The following PPP1CC variants were observed in gnomAD, a reference collection of about 807,000 sequenced individuals.
PPP1CC encodes the protein protein phosphatase 1 catalytic subunit gamma, also known as serine/threonine-protein phosphatase PP1-gamma catalytic subunit.
PPP1CC carries 16 observed loss-of-function variants against 38.4 expected under a neutral mutation model. The ratio of observed to expected loss-of-function variants is 0.42; its 90% CI spans 0.28 to 0.63. PPP1CC has a LOEUF of 0.63. PPP1CC is among the 30% of genes least tolerant of loss of function. The pLI is 0.25. For synonymous variants in PPP1CC, 158 were observed against 136.0 expected (o/e 1.16, Z -1.13); for missense variants, 170 against 391.3 (o/e 0.43, Z 4.77).
At chr12:110,718,704 C>T (rs939977193), downstream of PPP1CC, among the ~76,000 whole-genome samples, 4 of 152,166 alleles carry the variant, frequency 2.6e-5, no homozygotes, top group African/African-American at 4.8e-5. Flanking sequence ...CAATGTGAGA[C>T]GGCTTCTGCT....
chr12:110,721,145 T>C lies in PPP1CC; in HGVS notation c.903A>G (p.Lys301=). 6.2e-7 allele frequency: 1 copy of C among 1,613,904 alleles called. No homozygotes were observed. Among genetic ancestry groups the C allele is most frequent in the Non-Finnish European group, 8.5e-7 (1 of 1,179,786 alleles). The change falls in exon 7 of 7, where the codon AAA becomes AAG. Residue 301 remains lysine, a synonymous_variant. Transcript: ENST00000335007. Reference sequence around the variant, plus strand: ...CAGGTCTCGTGGCATTTGGCTTCTTTTTCTCTGCAGGCTTTAAAATCTGGA... The same window carrying C: ...CAGGTCTCGTGGCATTTGGCTTCTTCTTCTCTGCAGGCTTTAAAATCTGGA... ...CSFQILKPAE[K]KKPNATRPVT... is the part of the protein sequence containing the mutation.
chr12:110,711,873 C>T, the PPP1CC span, among the ~76,000 whole-genome samples: 45 of 151,866 alleles, frequency 3.0e-4, no homozygotes, highest in Non-Finnish European at 5.0e-4. Flanking sequence ...TGCAGTGAGC[C>T]GAGATCGCAC....
At chr12:110,735,233 C>T (rs544474334) in intron 1 of PPP1CC, among the ~76,000 whole-genome samples, 5 of 151,432 alleles carry the variant, frequency 3.3e-5, no homozygotes, top group Non-Finnish European at 7.4e-5. Flanking sequence ...TCACTATTTT[C>T]AATGTCCATC....
chr12:110,736,018 G>A (rs1419065435), intron 1 of PPP1CC, among the ~76,000 whole-genome samples: 1 of 151,984 alleles, frequency 6.6e-6, no homozygotes, highest in Non-Finnish European at 1.5e-5. Flanking sequence ...AGCCCAGATC[G>A]CATCATCACA....
At chr12:110,742,563 C>G in intron 1 of PPP1CC, 90 bp downstream of exon 1, 1 of 1,142,180 alleles carries the variant, frequency 8.8e-7, no homozygotes, top group South Asian at 2.1e-5. Flanking sequence ...CAAGCCCAAC[C>G]GGCCTCCCAA....
At position 110,737,477 on chromosome 12, in the gene PPP1CC, C is replaced by CAAAAAAAAA. The variant is rs71083137; in HGVS notation, c.55+5167_55+5175dup. Among the ~76,000 whole-genome samples the CAAAAAAAAA allele has an allele frequency of 2.4e-3, 102 of 42,462 alleles. 2 individuals carry two copies. The highest frequency in any genetic ancestry group is 7.0e-3 in the African/African-American group (67 of 9,524). The allele number at this position is 42,462 out of a possible 152,430, so 27.9% of individuals were successfully genotyped here. On this transcript the variant is annotated intron_variant, in intron 1 of 6. Coordinates refer to ENST00000335007, the MANE Select transcript of PPP1CC (RefSeq NM_002710.4). The stretch of plus-strand genomic sequence containing the variant: ...CCAGCCTGGGTGACAAAGAAAGACT[C>CAAAAAAAAA]AAAAAAAAAAAAAAAAAAAAAAAAG...
At position 110,722,072 on chromosome 12, in the gene PPP1CC, A is replaced by G. The variant is rs574276991; in HGVS notation, c.882+63T>C. On this transcript the variant is annotated intron_variant, in intron 6 of 6. Transcript: ENST00000335007. This position sits in a 1 kb window ranked among gnomAD's most constrained non-coding sequence, Gnocchi z 5.4. ...GAACACTAGGCAAAAAGTAGCAATT[A>G]TATTTTTCAATCAGCAAAGTGTAAA... 6.4e-5 allele frequency: 102 copies of G among 1,598,678 alleles called. No individual in the cohort carries two copies. Among genetic ancestry groups the G allele is most frequent in the Middle Eastern group, 1.7e-4 (1 of 6,020 alleles).
chr12:110,710,380 T>C, the PPP1CC span, among the ~76,000 whole-genome samples: 1 of 147,082 alleles, frequency 6.8e-6, no homozygotes, highest in Admixed American at 6.7e-5. Flanking sequence ...CTGTCGCTAT[T>C]AAACATTTCA....
chr12:110,731,958 A>G, intron 1 of PPP1CC, 57 bp from the exon 2 acceptor site: 2 of 1,575,940 alleles, frequency 1.3e-6, no homozygotes, highest in Non-Finnish European at 1.7e-6. Context: ...ATACAATACG[A>G]GATTTAGATA....
chr12:110,740,815 G>A (rs761171604), intron 1 of PPP1CC, among the ~76,000 whole-genome samples: 1 of 152,166 alleles, frequency 6.6e-6, no homozygotes, highest in Admixed American at 6.5e-5. Flanking sequence ...GGGCAAACCA[G>A]AACTTAAATT....
intron 2 of PPP1CC, 142 bp from the exon 3 acceptor site, chr12:110,730,901 C>G (rs952553535): frequency 1.7e-6 from 1 of 604,042 alleles, no homozygotes; most frequent in African/African-American, 1.9e-5. Context: ...GCAGCCAACA[C>G]TAAGTAATTT....
intron 1 of PPP1CC, among the ~76,000 whole-genome samples, chr12:110,734,119 C>T (rs955210251): frequency 3.3e-5 from 5 of 152,112 alleles, no homozygotes; most frequent in African/African-American, 9.7e-5. Context: ...CACCACACCC[C>T]CTCAACCATG....
chr12:110,740,913 A>C (rs1025012891), intron 1 of PPP1CC, among the ~76,000 whole-genome samples: 3 of 152,206 alleles, frequency 2.0e-5, no homozygotes, highest in African/African-American at 4.8e-5. Flanking sequence ...ATAAAGCCAC[A>C]CATATCCCTG....
chr12:110,731,982 A>G, intron 1 of PPP1CC, 81 bp from the exon 2 acceptor site: 1 of 1,506,106 alleles, frequency 6.6e-7, no homozygotes, highest in Non-Finnish European at 9.1e-7. Flanking sequence ...GGGCAAAAAC[A>G]TGGTTTAACT....
At chr12:110,708,878 A>G in the PPP1CC span, among the ~76,000 whole-genome samples, 1 of 151,830 alleles carries the variant, frequency 6.6e-6, no homozygotes, top group Admixed American at 6.6e-5. Flanking sequence ...AGAAAAGAAA[A>G]GAAAAATGTC....
At chr12:110,711,028 T>C in the PPP1CC span, among the ~76,000 whole-genome samples, 1 of 151,214 alleles carries the variant, frequency 6.6e-6, no homozygotes, top group Admixed American at 6.6e-5. Context: ...ATACAAAAAT[T>C]AGCCAGGCAT....
intron 4 of PPP1CC, among the ~76,000 whole-genome samples, chr12:110,723,998 G>C (rs1470908867): frequency 6.6e-6 from 1 of 152,064 alleles, no homozygotes; most frequent in African/African-American, 2.4e-5. Context: ...CAGCACTTTG[G>C]GAGGCCGAGG....
chr12:110,724,337 G>C (rs2069771359), intron 4 of PPP1CC, among the ~76,000 whole-genome samples: 1 of 152,326 alleles, frequency 6.6e-6, no homozygotes, highest in East Asian at 1.9e-4. Context: ...GAGGCAGGAG[G>C]ACTGCTTGAG....
At chr12:110,710,377 T>C in the PPP1CC span, among the ~76,000 whole-genome samples, 1 of 148,056 alleles carries the variant, frequency 6.8e-6, no homozygotes, top group Non-Finnish European at 1.5e-5. Flanking sequence ...ACCCTGTCGC[T>C]ATTAAACATT....
Sources: gnomAD v4.1 joint callset for allele counts (sites outside exome capture counted in the v4.1 genomes callset) on GRCh38, gnomAD v4.1.1 for gene constraint, Gnocchi (gnomAD v3.1) non-coding constraint, MANE v1.5 for transcripts, NCBI Gene and HGNC (gene_info 2026-07-23, HGNC 2026-07-21) for gene names.